The following SRGAP1 variants were observed in gnomAD, a reference collection of about 807,000 sequenced individuals.
SRGAP1 encodes the protein SLIT-ROBO Rho GTPase-activating protein 1.
In SRGAP1, 43 loss-of-function variants were observed where a neutral mutation model predicts 121.9. That is an observed-to-expected ratio of 0.35 (90% confidence interval 0.28 to 0.46). The LOEUF (loss-of-function observed/expected upper bound fraction) is 0.46. Ranked by LOEUF, SRGAP1 falls within the 20% of genes least tolerant of loss-of-function variation. The pLI is 1.00. For missense variants in SRGAP1, 1,102 were observed against 1,350.9 expected (o/e 0.82, Z 2.89); for synonymous variants, 447 against 485.4 (o/e 0.92, Z 1.04).
chr12:63,933,170 G>T (rs2031540557), intron 1 of SRGAP1, among the ~76,000 whole-genome samples: 1 of 152,136 alleles, frequency 6.6e-6, no homozygotes, highest in African/African-American at 2.4e-5. Flanking sequence ...CCTGGTGACA[G>T]AGCGAGACTC....
At chr12:64,101,632 C>A (rs1238230190) in intron 15 of SRGAP1, among the ~76,000 whole-genome samples, 1 of 152,054 alleles carries the variant, frequency 6.6e-6, no homozygotes, top group African/African-American at 2.4e-5. Flanking sequence ...TTTGTTTTAA[C>A]CATCCACTTT....
At chr12:63,864,933 T>TA (rs999017754) in intron 1 of SRGAP1, among the ~76,000 whole-genome samples, 2 of 151,972 alleles carry the variant, frequency 1.3e-5, no homozygotes, top group African/African-American at 4.8e-5. Context: ...TATAAAAAAA[T>TA]AAACTTGTTG....
chr12:63,924,161 GAAAAAAGA>G (rs895941148), intron 1 of SRGAP1, among the ~76,000 whole-genome samples: 25 of 150,698 alleles, frequency 1.7e-4, no homozygotes, highest in African/African-American at 5.6e-4. Context: ...CCATTTAAAA[GAAAAAAGA>G]AAAAAAGAAA....
At chr12:64,132,061 A>G (rs558256469) in intron 21 of SRGAP1, among the ~76,000 whole-genome samples, 1 of 152,212 alleles carries the variant, frequency 6.6e-6, no homozygotes, top group South Asian at 2.1e-4. Context: ...TGTAGTCCCA[A>G]CTACTCGGGA....
intron 4 of SRGAP1, among the ~76,000 whole-genome samples, chr12:64,031,597 C>A (rs2034781816): frequency 6.6e-6 from 1 of 152,146 alleles, no homozygotes; most frequent in Admixed American, 6.5e-5. Context: ...ACTGGAATAA[C>A]AGTAAGGACA....
At chr12:64,080,011 G>A (rs1009192293) in intron 9 of SRGAP1, among the ~76,000 whole-genome samples, 6 of 152,160 alleles carry the variant, frequency 3.9e-5, no homozygotes, top group African/African-American at 1.4e-4. Flanking sequence ...GGGAGGCCGA[G>A]GCAGGCGGAT....
At chr12:63,898,943 C>T (rs1341305498) in intron 1 of SRGAP1, among the ~76,000 whole-genome samples, 4 of 152,010 alleles carry the variant, frequency 2.6e-5, no homozygotes, top group South Asian at 4.1e-4. Flanking sequence ...TCTTTGATCA[C>T]GTCATTGGTT....
chr12:64,102,243 AC>A (rs750860651), intron 15 of SRGAP1, among the ~76,000 whole-genome samples: 4 of 152,260 alleles, frequency 2.6e-5, no homozygotes, highest in Non-Finnish European at 5.9e-5. Context: ...TTAGTTTTGC[AC>A]CAACCTAATG....
intron 11 of SRGAP1, 86 bp from the exon 12 acceptor site, chr12:64,091,188 CGT>C: frequency 1.2e-6 from 1 of 846,146 alleles, no homozygotes; most frequent in Non-Finnish European, 1.7e-6. Flanking sequence ...CCAAGATTCC[CGT>C]GTTTTGTAAT....
chr12:63,886,891 T>C (rs1900404607), intron 1 of SRGAP1, among the ~76,000 whole-genome samples: 1 of 152,184 alleles, frequency 6.6e-6, no homozygotes, highest in Non-Finnish European at 1.5e-5. Flanking sequence ...TTTTTGTTTT[T>C]GAGATGGAGT....
intron 21 of SRGAP1, among the ~76,000 whole-genome samples, chr12:64,136,274 A>C (rs1302496298): frequency 2.0e-5 from 3 of 152,138 alleles, no homozygotes; most frequent in Admixed American, 2.0e-4. Context: ...AGCTGAGGCG[A>C]GAGAGTTGCT....
chr12:64,140,321 A>G (rs1169537749), intron 21 of SRGAP1, among the ~76,000 whole-genome samples: 1 of 146,298 alleles, frequency 6.8e-6, no homozygotes, highest in East Asian at 2.0e-4. Context: ...GAATCTGTAA[A>G]TTACCTTGGG....
At chr12:63,874,646 T>G (rs1899970764) in intron 1 of SRGAP1, among the ~76,000 whole-genome samples, 1 of 152,152 alleles carries the variant, frequency 6.6e-6, no homozygotes, top group African/African-American at 2.4e-5. Context: ...AGGGACAGTT[T>G]TTTAAAAGCT....
At chr12:64,020,281 T>A (rs2034510178) in intron 4 of SRGAP1, among the ~76,000 whole-genome samples, 1 of 152,124 alleles carries the variant, frequency 6.6e-6, no homozygotes, top group South Asian at 2.1e-4. Context: ...AGATATGATA[T>A]CATATGATGA....
intron 1 of SRGAP1, among the ~76,000 whole-genome samples, chr12:63,876,679 C>T (rs1215652339): frequency 2.0e-5 from 3 of 152,096 alleles, no homozygotes; most frequent in African/African-American, 2.4e-5. Flanking sequence ...GAATGATGTA[C>T]GCTCATGTTG....
chr12:63,928,026 A>G (rs899803873), intron 1 of SRGAP1, among the ~76,000 whole-genome samples: 1 of 152,048 alleles, frequency 6.6e-6, no homozygotes, highest in Non-Finnish European at 1.5e-5. Flanking sequence ...CAGAACCAGT[A>G]TTTTCAGGAA....
At chr12:64,131,417 A>G (rs1314902341) in intron 21 of SRGAP1, among the ~76,000 whole-genome samples, 1 of 152,220 alleles carries the variant, frequency 6.6e-6, no homozygotes, top group African/African-American at 2.4e-5. Flanking sequence ...CCTTCCATGC[A>G]AAGTGCACAG....
intron 6 of SRGAP1, among the ~76,000 whole-genome samples, chr12:64,044,594 C>A (rs532895865): frequency 6.7e-6 from 1 of 149,586 alleles, no homozygotes; most frequent in South Asian, 2.1e-4. Context: ...CCAAACTGTT[C>A]AGCCACAGTT....
At position 64,033,926 on chromosome 12, in the gene SRGAP1, A is replaced by G. The variant is rs567424983; in HGVS notation, c.490-8864A>G. On this transcript the variant is annotated intron_variant, in intron 4 of 21. Transcript: ENST00000355086. ...TCCCAGCTACTCAGGAGGCTGAGGC[A>G]GGAGAATTGCTTGAACCCGGTGTGA... 2.0e-5 allele frequency among the ~76,000 whole-genome samples: 3 copies of G among 152,272 alleles called. No homozygotes were observed. In the East Asian group the frequency reaches 5.8e-4, roughly 29 times the overall value.
Sources: allele counts gnomAD v4.1 joint callset (sites outside exome capture counted in the v4.1 genomes callset), GRCh38; gene constraint gnomAD v4.1.1; transcripts MANE v1.5; gene names NCBI Gene and HGNC (gene_info 2026-07-23, HGNC 2026-07-21).